Variants in OXNAD1 observed in about 807,000 individuals in gnomAD.
OXNAD1 encodes the protein oxidoreductase NAD binding domain containing 1.
Under a neutral mutation model 32.9 loss-of-function variants are expected in OXNAD1, and 34 were observed. The ratio of observed to expected loss-of-function variants is 1.03; its 90% CI spans 0.79 to 1.38. The LOEUF (loss-of-function observed/expected upper bound fraction) is 1.38, where lower values mean the gene tolerates loss of function less well. Among genes scored for constraint, OXNAD1 ranks in the 40% most tolerant of loss-of-function variants. The pLI is 0.00. For synonymous variants in OXNAD1, 134 were observed against 135.2 expected, an observed-to-expected ratio of 0.99 and a Z score of 0.06; for missense variants, 407 against 379.4, an observed-to-expected ratio of 1.07 and a Z score of -0.60.
rs2070890840 is a variant in OXNAD1, at chr3:16,336,765, C to T, written c.*31-347C>T. ...TTCAGTTCTGAGACTCTTTACCCAC[C>T]CAGTGCTGGTGAATTCACATCTTTG... is the stretch of plus-strand genomic sequence containing the variant. On this transcript the variant is annotated intron_variant, in intron 9 of 9. Transcript: ENST00000435829. This position sits in a 1 kb window ranked among gnomAD's most constrained non-coding sequence, Gnocchi z 6.0. 1.3e-5 allele frequency among the ~76,000 whole-genome samples: 2 copies of T among 152,014 alleles called. No homozygotes were observed. Among genetic ancestry groups the T allele is most frequent in the Admixed American group, 1.3e-4 (2 of 15,262 alleles).
At position 16,345,264 on chromosome 3, in the gene OXNAD1, T is replaced by TTTGTG. The variant is rs1491581919; in HGVS notation, c.*31-3911_*31-3910insTGTGT. On this transcript the variant is annotated intron_variant, in intron 9 of 9. Coordinates refer to the OXNAD1 transcript ENST00000606098. The surrounding 1 kb of genome is among the most constrained non-coding windows in gnomAD (Gnocchi z 5.2). ...AAACTGTAAGATAATAAGTAGGTGG[T>TTTGTG]TGTGTGTGTGTGTGTGTGTGTGTGT... The TTTGTG allele has an allele frequency of 3.4e-5, 5 of 145,930 alleles. No individual in the cohort carries two copies. Among genetic ancestry groups the TTTGTG allele is most frequent in the African/African-American group, 1.1e-4 (4 of 37,852 alleles). 9.0% of individuals were successfully genotyped at this position (145,930 alleles called of 1,614,324 possible). A position where few individuals can be genotyped will look rare whatever the true frequency, so the allele number is the denominator to read the frequency against.
chr3:16,293,824 G>A (rs904597018), intron 5 of OXNAD1, among the ~76,000 whole-genome samples: 2 of 152,154 alleles, frequency 1.3e-5, no homozygotes, highest in African/African-American at 4.8e-5. Context: ...GGTTGAGAAA[G>A]TTCCCAATTA....
At chr3:16,268,438 T>A (rs1330137317) in intron 1 of OXNAD1, among the ~76,000 whole-genome samples, 2 of 147,022 alleles carry the variant, frequency 1.4e-5, no homozygotes, top group East Asian at 4.2e-4. Flanking sequence ...CAAGCGATTC[T>A]CTTGCCTCAG....
intron 1 of OXNAD1, among the ~76,000 whole-genome samples, chr3:16,268,591 A>C (rs914856367): frequency 4.6e-5 from 7 of 152,016 alleles, no homozygotes; most frequent in Non-Finnish European, 7.4e-5. Flanking sequence ...TCATCCTCCC[A>C]AAGTGCTGGG....
intron 4 of OXNAD1, chr3:16,275,272 A>G (rs1470357449): frequency 1.3e-5 from 2 of 155,288 alleles, no homozygotes; most frequent in Admixed American, 6.5e-5. Flanking sequence ...GTCTGCAGTA[A>G]GAATGTTCAA....
rs574549305 is a variant in OXNAD1, at chr3:16,290,187, T to C, written c.290+3739T>C. ...ACCGCGCACCTAGGCTCCTTCTGCATACACTCACTCATTGGGTATATAGTA... is the reference window on the plus strand; with the variant it reads ...ACCGCGCACCTAGGCTCCTTCTGCACACACTCACTCATTGGGTATATAGTA... On this transcript the variant is annotated intron_variant, in intron 5 of 8. Transcript: ENST00000285083. The surrounding 1 kb of genome is among the most constrained non-coding windows in gnomAD (Gnocchi z 4.2). Among the ~76,000 whole-genome samples the C allele has an allele frequency of 6.6e-6, 1 of 152,326 alleles. No individual in the cohort carries two copies. Among genetic ancestry groups the C allele is most frequent in the East Asian group, 1.9e-4 (1 of 5,184 alleles).
In OXNAD1 at chr3:16,337,058, G is replaced by A. The variant is rs552641472; in HGVS notation, c.*31-54G>A. Reference sequence around the variant, plus strand: ...TAGGATATGGCAGATGTGACATTACGGTCATCCTGAACCTAGGCCTCAAGG... The same window carrying A: ...TAGGATATGGCAGATGTGACATTACAGTCATCCTGAACCTAGGCCTCAAGG... On this transcript the variant is annotated intron_variant, in intron 9 of 9. Transcript: ENST00000435829. The surrounding 1 kb of genome is among the most constrained non-coding windows in gnomAD (Gnocchi z 5.0). The A allele has an allele frequency of 2.0e-5, 3 of 152,116 alleles. No homozygotes were observed. Among genetic ancestry groups the A allele is most frequent in the African/African-American group, 7.2e-5 (3 of 41,402 alleles). The allele number at this position is 152,116 out of a possible 1,614,324, so 9.4% of individuals were successfully genotyped here. A position where few individuals can be genotyped will look rare whatever the true frequency, so the allele number is the denominator to read the frequency against.
chr3:16,343,713 ATGTT>A (rs2071460900), intron 9 of OXNAD1, among the ~76,000 whole-genome samples: 1 of 152,236 alleles, frequency 6.6e-6, no homozygotes, highest in Admixed American at 6.5e-5. Context: ...TATTCAATCA[ATGTT>A]TGTTAAAAAC....
chr3:16,338,798 G>T (rs942101562), downstream of OXNAD1, among the ~76,000 whole-genome samples: 1 of 152,154 alleles, frequency 6.6e-6, no homozygotes, highest in Non-Finnish European at 1.5e-5. The surrounding 1 kb of genome is among the most constrained non-coding windows in gnomAD (Gnocchi z 5.3). Context: ...ATTGAAAAAA[G>T]GAGCTTTTCC....
downstream of OXNAD1, among the ~76,000 whole-genome samples, chr3:16,307,104 A>G (rs1328234642): frequency 6.6e-6 from 1 of 152,202 alleles, no homozygotes; most frequent in Non-Finnish European, 1.5e-5. Flanking sequence ...AAATGGCAGT[A>G]TTGATGCTTG....
At chr3:16,308,907 AAATATGACC>A (rs1284544232), downstream of OXNAD1, among the ~76,000 whole-genome samples, 2 of 152,126 alleles carry the variant, frequency 1.3e-5, no homozygotes, top group African/African-American at 4.8e-5. This position sits in a 1 kb window ranked among gnomAD's most constrained non-coding sequence, Gnocchi z 4.4. Context: ...ATTACCTAAT[AAATATGACC>A]AAAAATTGTT....
chr3:16,302,809 G>A lies in OXNAD1; in HGVS notation c.784+61G>A. The A allele has an allele frequency of 7.8e-7, 1 of 1,274,866 alleles. No homozygotes were observed. Among genetic ancestry groups the A allele is most frequent in the Non-Finnish European group, 1.1e-6 (1 of 888,474 alleles). 79.0% of individuals were successfully genotyped at this position (1,274,866 alleles called of 1,614,324 possible). A position where few individuals can be genotyped will look rare whatever the true frequency, so the allele number is the denominator to read the frequency against. The stretch of plus-strand genomic sequence containing the variant: ...CAGTTATTTGATGGACACACCAGTT[G>A]GTTGAGCGTAGATGCTTTATTGTTG... On this transcript the variant is annotated intron_variant, in intron 8 of 8. Transcript: ENST00000285083. This position sits in a 1 kb window ranked among gnomAD's most constrained non-coding sequence, Gnocchi z 4.2.
chr3:16,313,205 A>ATTTTTTTTTTTTTTTTTTTTTT lies in OXNAD1; in HGVS notation c.*30+9631_*30+9632insTTTTTTTTTTTTTTTTTTTTTT, dbSNP rs750491540. The stretch of plus-strand genomic sequence containing the variant: ...GTACATGTACCACCACACCCAGCGG[A>ATTTTTTTTTTTTTTTTTTTTTT]TTTTTTTTTTTTTTTTTTGCAGAGG... On this transcript the variant is annotated intron_variant, in intron 9 of 9. Transcript: ENST00000435829. 4.6e-4 allele frequency among the ~76,000 whole-genome samples: 48 copies of ATTTTTTTTTTTTTTTTTTTTTT among 103,792 alleles called. 5 individuals carry two copies. Among genetic ancestry groups the ATTTTTTTTTTTTTTTTTTTTTT allele is most frequent in the Non-Finnish European group, 6.3e-4 (33 of 52,486 alleles). The allele number at this position is 103,792 out of a possible 152,430, so 68.1% of individuals were successfully genotyped here.
At chr3:16,310,758 G>A (rs1279588144), downstream of OXNAD1, among the ~76,000 whole-genome samples, 1 of 152,076 alleles carries the variant, frequency 6.6e-6, no homozygotes, top group Non-Finnish European at 1.5e-5. Flanking sequence ...GGGAGGCCAA[G>A]GTGGGCAAAT....
rs1289513102 is a variant in OXNAD1, at chr3:16,301,752, A to G, written c.559A>G (p.Ile187Val). The G allele has an allele frequency of 5.6e-6, 9 of 1,614,092 alleles. No individual in the cohort carries two copies. Among genetic ancestry groups the G allele is most frequent in the Non-Finnish European group, 7.6e-6 (9 of 1,179,996 alleles). Residue 187 changes from isoleucine (I) to valine (V), a missense_variant, in exon 7 of 9, where the codon ATC becomes GTC. Transcript: ENST00000285083. The surrounding 1 kb of genome is among the most constrained non-coding windows in gnomAD (Gnocchi z 4.1). ...GGVGINPLLSILRHAADLLRE... is the reference protein window; with the variant it reads ...GGVGINPLLSVLRHAADLLRE... Reference sequence around the variant, plus strand: ...AGTCGGAATTAACCCTCTGCTTTCCATCCTGCGGCACGCAGCAGATCTCCT... The same window carrying G: ...AGTCGGAATTAACCCTCTGCTTTCCGTCCTGCGGCACGCAGCAGATCTCCT...
intron 5 of OXNAD1, among the ~76,000 whole-genome samples, chr3:16,293,060 A>G (rs1056540554): frequency 5.9e-5 from 9 of 152,208 alleles, no homozygotes; most frequent in African/African-American, 1.9e-4. Context: ...TCTACAATGA[A>G]AACACCTGGG....
chr3:16,315,270 C>T (rs1398846380), intron 9 of OXNAD1, among the ~76,000 whole-genome samples: 1 of 152,144 alleles, frequency 6.6e-6, no homozygotes, highest in Non-Finnish European at 1.5e-5. Context: ...CACCCGCCAC[C>T]ACGCCCAGCT....
chr3:16,270,882 A>T lies in OXNAD1; in HGVS notation c.-8-63A>T, dbSNP rs776334853. The T allele has an allele frequency of 3.1e-6, 5 of 1,604,362 alleles. No homozygotes were observed. In the Admixed American group the frequency reaches 8.4e-5, roughly 27 times the overall value. On this transcript the variant is annotated intron_variant, in intron 2 of 8. Coordinates refer to ENST00000285083, the MANE Select transcript of OXNAD1 (RefSeq NM_138381.5). ...CACTCTTCCTCACTGACCCTCTAAA[A>T]TAGTCTGATATTTCCCCACTTTTAA...
rs568255916 is a variant in OXNAD1, at chr3:16,314,243, C to T, written c.*30+10651C>T. On this transcript the variant is annotated intron_variant, in intron 9 of 9. Transcript: ENST00000435829. This position sits in a 1 kb window ranked among gnomAD's most constrained non-coding sequence, Gnocchi z 4.4. ...GGTCAGTGCAAATGATGGCTTTTTA[C>T]CCTATTGGCAATCACAGGGAACTTA... Among the ~76,000 whole-genome samples the T allele has an allele frequency of 5.3e-5, 8 of 152,266 alleles. No individual in the cohort carries two copies. The highest frequency in any genetic ancestry group is 1.2e-4 in the African/African-American group (5 of 41,566).
Sources: gnomAD v4.1 joint callset for allele counts (sites outside exome capture counted in the v4.1 genomes callset) on GRCh38, gnomAD v4.1.1 for gene constraint, Gnocchi (gnomAD v3.1) non-coding constraint, MANE v1.5 for transcripts, NCBI Gene and HGNC (gene_info 2026-07-23, HGNC 2026-07-21) for gene names.